PHLDB2: variants seen among roughly 807,000 people sequenced by gnomAD.
PHLDB2 encodes pleckstrin homology-like domain family B member 2.
A neutral mutation model predicts 123.6 loss-of-function variants in PHLDB2; 71 were observed. The observed-to-expected ratio is 0.57, with a 90% CI of 0.47 to 0.70. PHLDB2 has a LOEUF of 0.70. Among genes scored for constraint, PHLDB2 ranks in the 30% least tolerant of loss-of-function variants. The pLI is 0.00. For missense variants in PHLDB2, 1,446 were observed against 1,519.5 expected, an observed-to-expected ratio of 0.95 and a Z score of 0.80; for synonymous variants, 547 against 541.6, an observed-to-expected ratio of 1.01 and a Z score of -0.14.
At chr3:111,858,158 C>T (rs1380870502), upstream of PHLDB2, among the ~76,000 whole-genome samples, 4 of 152,092 alleles carry the variant, frequency 2.6e-5, no homozygotes, top group Non-Finnish European at 5.9e-5. Context: ...TTTGCAGGGA[C>T]GTGGATGATG....
intron 2 of PHLDB2, among the ~76,000 whole-genome samples, chr3:111,848,971 A>T (rs1335944988): frequency 6.6e-6 from 1 of 152,186 alleles, no homozygotes; most frequent in Non-Finnish European, 1.5e-5. Flanking sequence ...GGACTCTATG[A>T]TGTTTGCATA....
At chr3:111,859,220 C>G (rs1403437462), upstream of PHLDB2, 1 of 985,310 alleles carries the variant, frequency 1.0e-6, no homozygotes, top group African/African-American at 1.7e-5. Flanking sequence ...TAAACCCTCC[C>G]GCCCTTCTTT....
rs72357648 is a variant in PHLDB2, at chr3:111,829,927, AACACAC to A, written c.-48-15854_-48-15849del. Reference sequence around the variant, plus strand: ...TCACCAAACTGACAGAACTATTCAAAACACACACACACACACACACACACACACACA... The same window carrying A: ...TCACCAAACTGACAGAACTATTCAAAACACACACACACACACACACACACA... On this transcript the variant is annotated intron_variant, in intron 1 of 17. Transcript: ENST00000393923. Among the ~76,000 whole-genome samples, 781 of 136,004 alleles carry A rather than the reference AACACAC, an allele frequency of 5.7e-3. 10 individuals carry two copies. Among genetic ancestry groups the A allele is most frequent in the Middle Eastern group, 0.019 (5 of 266 alleles). 89.2% of individuals were successfully genotyped at this position (136,004 alleles called of 152,430 possible).
At chr3:111,736,877 G>T (rs1327758874) in intron 1 of PHLDB2, among the ~76,000 whole-genome samples, 5 of 152,144 alleles carry the variant, frequency 3.3e-5, no homozygotes, top group African/African-American at 1.2e-4. Context: ...GATATCAAAG[G>T]GGTTCTTGCT....
chr3:111,882,085 G>T (rs924818677), intron 1 of PHLDB2, among the ~76,000 whole-genome samples: 1 of 152,000 alleles, frequency 6.6e-6, no homozygotes, highest in African/African-American at 2.4e-5. Context: ...GCTATAAAAT[G>T]TACTTCAAAA....
intron 2 of PHLDB2, among the ~76,000 whole-genome samples, chr3:111,900,745 C>G (rs1291353017): frequency 6.6e-6 from 1 of 152,226 alleles, no homozygotes; most frequent in Admixed American, 6.5e-5. Flanking sequence ...TGCTAATAGA[C>G]TTGCTCGCTG....
At chr3:111,858,202 G>A (rs1375266458), upstream of PHLDB2, among the ~76,000 whole-genome samples, 1 of 152,006 alleles carries the variant, frequency 6.6e-6, no homozygotes, top group African/African-American at 2.4e-5. Flanking sequence ...ACTAACACAG[G>A]AACAGAAAAC....
intron 1 of PHLDB2, among the ~76,000 whole-genome samples, chr3:111,842,967 T>C (rs2063759826): frequency 6.6e-6 from 1 of 152,254 alleles, no homozygotes; most frequent in East Asian, 1.9e-4. Context: ...TAATATTCCA[T>C]TGTATAGATA....
At chr3:111,744,318 C>A (rs1252547957) in intron 1 of PHLDB2, among the ~76,000 whole-genome samples, 1 of 152,080 alleles carries the variant, frequency 6.6e-6, no homozygotes, top group Non-Finnish European at 1.5e-5. Flanking sequence ...GGGAGCAGAC[C>A]CTTCCGCACA....
intron 10 of PHLDB2, among the ~76,000 whole-genome samples, chr3:111,949,388 AT>A (rs2070559121): frequency 1.3e-5 from 2 of 152,158 alleles, no homozygotes; most frequent in Non-Finnish European, 2.9e-5. Flanking sequence ...CCTTTCTAAA[AT>A]TGTTGATTTG....
At chr3:111,932,439 T>G (rs1469330747) in intron 6 of PHLDB2, 42 bp downstream of exon 6, 1 of 1,522,134 alleles carries the variant, frequency 6.6e-7, no homozygotes, top group Non-Finnish European at 8.8e-7. Flanking sequence ...TTGCTTTTCG[T>G]TTTTGTTTTT....
At chr3:111,844,126 C>T (rs1297126378) in intron 1 of PHLDB2, among the ~76,000 whole-genome samples, 1 of 152,142 alleles carries the variant, frequency 6.6e-6, no homozygotes, top group Non-Finnish European at 1.5e-5. Context: ...TGACCTCATC[C>T]TCTCTCTATT....
chr3:111,788,730 A>C (rs374818410), intron 1 of PHLDB2, among the ~76,000 whole-genome samples: 3 of 152,330 alleles, frequency 2.0e-5, no homozygotes, highest in Admixed American at 1.3e-4. Flanking sequence ...CTTTCTTAAA[A>C]CATTAGGAGA....
At chr3:111,966,765 G>A in intron 14 of PHLDB2, 62 bp downstream of exon 14, 1 of 1,313,628 alleles carries the variant, frequency 7.6e-7, no homozygotes, top group Non-Finnish European at 1.1e-6. Flanking sequence ...CCTGCGCTTG[G>A]CATCAGACAA....
chr3:111,818,189 T>TGTGTGTGTGC (rs1272715876), intron 1 of PHLDB2, among the ~76,000 whole-genome samples: 6 of 151,808 alleles, frequency 4.0e-5, no homozygotes, highest in South Asian at 2.1e-4. Flanking sequence ...TGTGTGTGTG[T>TGTGTGTGTGC]GTGTGTGTCT....
chr3:111,885,074 G>T lies in PHLDB2; in HGVS notation c.997G>T (p.Ala333Ser). The change falls in exon 2 of 18, where the codon GCC becomes TCC. Residue 333 changes from alanine (A) to serine (S), a missense_variant. This residue lies in a region of PHLDB2 where 832 missense variants were observed against 831.9 expected (regional missense o/e 1.00). Coordinates refer to ENST00000431670, the MANE Select transcript of PHLDB2 (RefSeq NM_001134438.2). ...TGTAAGTTCTACCCTCAGTGTCCCT[G>T]CCAGTCCACGAGTGGCTCGGAAGAT... is the stretch of plus-strand genomic sequence containing the variant. ...PYVSSTLSVP[A>S]SPRVARKMLL... 1 of 1,614,164 alleles carries T rather than the reference G, an allele frequency of 6.2e-7. No individual in the cohort carries two copies. Among genetic ancestry groups the T allele is most frequent in the African/African-American group, 1.3e-5 (1 of 75,032 alleles).
At chr3:111,963,770 A>G (rs1056107906) in intron 13 of PHLDB2, among the ~76,000 whole-genome samples, 2 of 152,254 alleles carry the variant, frequency 1.3e-5, no homozygotes, top group African/African-American at 4.8e-5. Context: ...ATTTTAGTAC[A>G]TAAGTTAAAA....
chr3:111,848,510 A>AC lies in PHLDB2; in HGVS notation c.67+2582dup, dbSNP rs1178512528. The stretch of plus-strand genomic sequence containing the variant: ...AAAGCATAAGTGCTTTGGTGCTTTG[A>AC]CCCCCCCAAACAGCACTCCAAGTGT... On this transcript the variant is annotated intron_variant, in intron 2 of 17. Coordinates refer to the PHLDB2 transcript ENST00000393923. 3.3e-5 allele frequency among the ~76,000 whole-genome samples: 5 copies of AC among 151,742 alleles called. No individual in the cohort carries two copies. The East Asian group carries it at 7.8e-4, about 24-fold the overall frequency.
intron 1 of PHLDB2, among the ~76,000 whole-genome samples, chr3:111,816,033 T>C (rs1403455489): frequency 6.6e-6 from 1 of 152,166 alleles, no homozygotes; most frequent in Non-Finnish European, 1.5e-5. Flanking sequence ...TTCCACATGG[T>C]GTTGAGCCTG....
Sources: gnomAD v4.1 joint callset for allele counts (sites outside exome capture counted in the v4.1 genomes callset) on GRCh38, gnomAD v4.1.1 for gene constraint, gnomAD v4.1.1 regional missense constraint, MANE v1.5 for transcripts, NCBI Gene and HGNC (gene_info 2026-07-23, HGNC 2026-07-21) for gene names.